The following LDLRAD4 variants were observed in gnomAD, a reference collection of about 807,000 sequenced individuals.
The protein encoded by LDLRAD4 is low-density lipoprotein receptor class A domain-containing protein 4.
LDLRAD4 carries 5 observed loss-of-function variants against 17.0 expected under a neutral mutation model. The observed-to-expected ratio is 0.29, with a 90% CI of 0.15 to 0.62. The LOEUF is 0.62. LDLRAD4 is among the 20% of genes least tolerant of loss of function. The pLI, the probability that LDLRAD4 is intolerant of heterozygous loss-of-function variation, is 0.84. For synonymous variants in LDLRAD4, 168 were observed against 171.8 expected, an observed-to-expected ratio of 0.98 and a Z score of 0.17; for missense variants, 340 against 424.7, an observed-to-expected ratio of 0.80 and a Z score of 1.75.
intron 3 of LDLRAD4, among the ~76,000 whole-genome samples, chr18:13,564,526 T>A (rs1173212896): frequency 6.6e-6 from 1 of 150,536 alleles, no homozygotes; most frequent in Non-Finnish European, 1.5e-5. Flanking sequence ...CCTGCTCTCC[T>A]TGGTTTTTCT....
chr18:13,221,772 T>C lies in LDLRAD4; in HGVS notation c.-467+2784T>C, dbSNP rs185956042. Among the ~76,000 whole-genome samples the C allele has an allele frequency of 4.8e-3, 729 of 152,344 alleles. 5 individuals carry two copies. The highest frequency in any genetic ancestry group is 8.7e-3 in the South Asian group (42 of 4,826). On this transcript the variant is annotated intron_variant, in intron 1 of 5. Coordinates refer to the LDLRAD4 transcript ENST00000399848. ...TGAGTTCTCACTAAAAATGGTACTT[T>C]GGCCTTTTAAGCTGTTTTTGTGAAG...
rs369952772 is a variant in LDLRAD4 at position 13,397,737 on chromosome 18, C to T, written c.40+9975C>T. Among the ~76,000 whole-genome samples the T allele has an allele frequency of 1.4e-4, 22 of 152,324 alleles. 1 individual carries two copies. The South Asian group carries it at 2.5e-3, about 17-fold the overall frequency. On this transcript the variant is annotated intron_variant, in intron 2 of 5. Transcript: ENST00000359446. Reference sequence around the variant, plus strand: ...GGCCCTGCCCCAGGACGACAAAGCACGGTGCTACCACGGCGCAGCACTCCT... The same window carrying T: ...GGCCCTGCCCCAGGACGACAAAGCATGGTGCTACCACGGCGCAGCACTCCT...
intron 1 of LDLRAD4, among the ~76,000 whole-genome samples, chr18:13,296,833 G>A (rs189424256): frequency 6.6e-6 from 1 of 152,242 alleles, no homozygotes; most frequent in African/African-American, 2.4e-5. Flanking sequence ...TTTAAAAATT[G>A]TTTTAAGACC....
chr18:13,268,915 G>T (rs990364079), intron 1 of LDLRAD4, among the ~76,000 whole-genome samples: 1 of 152,172 alleles, frequency 6.6e-6, no homozygotes, highest in African/African-American at 2.4e-5. Context: ...GACATTATTC[G>T]CCAACAATTG....
At chr18:13,311,532 C>T (rs970793451) in intron 1 of LDLRAD4, among the ~76,000 whole-genome samples, 6 of 152,198 alleles carry the variant, frequency 3.9e-5, no homozygotes, top group East Asian at 1.9e-4. Context: ...CTCAGAACGC[C>T]GGCCACACTG....
At chr18:13,562,110 G>C (rs28594143) in intron 3 of LDLRAD4, among the ~76,000 whole-genome samples, 47,310 of 151,946 alleles carry the variant, frequency 0.31, 8,836 homozygotes, top group African/African-American at 0.52. Flanking sequence ...CTGACTCAGT[G>C]TTTTTAAGAT....
chr18:13,456,908 C>T (rs899215508), intron 3 of LDLRAD4, among the ~76,000 whole-genome samples: 28 of 152,196 alleles, frequency 1.8e-4, no homozygotes, highest in Admixed American at 1.7e-3. Context: ...AAATTCCTTC[C>T]ACTCCTCCTT....
At chr18:13,531,587 C>CTT (rs10680224) in intron 3 of LDLRAD4, among the ~76,000 whole-genome samples, 100,777 of 124,632 alleles carry the variant, frequency 0.81, 41,874 homozygotes, top group Non-Finnish European at 0.9. Context: ...AAGACTCCAT[C>CTT]TTTTTTTTTT....
intron 1 of LDLRAD4, among the ~76,000 whole-genome samples, chr18:13,255,223 C>A (rs896268456): frequency 7.2e-5 from 11 of 152,156 alleles, no homozygotes; most frequent in Admixed American, 7.2e-4. Flanking sequence ...TGCTCCACAC[C>A]CAGCAGGTGC....
rs975782105 is a variant in LDLRAD4, at chr18:13,621,808, T to G, written c.336+537T>G. On this transcript the variant is annotated intron_variant, in intron 4 of 5. Coordinates refer to ENST00000359446, the Ensembl canonical transcript of LDLRAD4. The surrounding 1 kb of genome is among the most constrained non-coding windows in gnomAD (Gnocchi z 5.5). ...GCGGTGGGGTTGTTGGCGGTGGGCTTGTCAGCGGTGGGCTTGTCGGCGGTA... is the reference window on the plus strand; with the variant it reads ...GCGGTGGGGTTGTTGGCGGTGGGCTGGTCAGCGGTGGGCTTGTCGGCGGTA... Among the ~76,000 whole-genome samples the G allele has an allele frequency of 1.3e-5, 2 of 148,950 alleles. No homozygotes were observed. Among genetic ancestry groups the G allele is most frequent in the African/African-American group, 2.5e-5 (1 of 40,164 alleles).
intron 1 of LDLRAD4, among the ~76,000 whole-genome samples, chr18:13,293,865 G>A (rs2046112146): frequency 6.6e-6 from 1 of 152,160 alleles, no homozygotes; most frequent in African/African-American, 2.4e-5. Flanking sequence ...CCTTGCTTTA[G>A]GTTCCAGAAA....
At chr18:13,504,204 T>G (rs2093656132) in intron 3 of LDLRAD4, among the ~76,000 whole-genome samples, 1 of 152,180 alleles carries the variant, frequency 6.6e-6, no homozygotes, top group South Asian at 2.1e-4. Flanking sequence ...AACAGAGACT[T>G]GGACACCAGA....
At chr18:13,354,955 A>G (rs1419954662) in intron 1 of LDLRAD4, among the ~76,000 whole-genome samples, 1 of 152,198 alleles carries the variant, frequency 6.6e-6, no homozygotes, top group Non-Finnish European at 1.5e-5. Flanking sequence ...TTGTCAACAC[A>G]GAGGTTCCAA....
At chr18:13,409,748 T>C (rs1273074626) in intron 2 of LDLRAD4, among the ~76,000 whole-genome samples, 1 of 152,056 alleles carries the variant, frequency 6.6e-6, no homozygotes, top group Non-Finnish European at 1.5e-5. Context: ...TTGAGGAAAA[T>C]AGAAAATCAC....
intron 2 of LDLRAD4, among the ~76,000 whole-genome samples, chr18:13,405,635 G>A (rs918509818): frequency 5.6e-5 from 8 of 143,664 alleles, no homozygotes; most frequent in African/African-American, 1.8e-4. Flanking sequence ...AGACAGTCTC[G>A]CTGTATTGCC....
intron 1 of LDLRAD4, among the ~76,000 whole-genome samples, chr18:13,314,464 T>C (rs903321875): frequency 2.6e-5 from 4 of 152,214 alleles, no homozygotes; most frequent in Admixed American, 6.5e-5. Context: ...TGTTGTGGAA[T>C]ACCCTGTAGA....
intron 1 of LDLRAD4, among the ~76,000 whole-genome samples, chr18:13,264,889 A>T (rs1400865110): frequency 6.6e-6 from 1 of 152,238 alleles, no homozygotes; most frequent in Non-Finnish European, 1.5e-5. Flanking sequence ...AGGATTCGCA[A>T]CTGGCCTATA....
intron 2 of LDLRAD4, among the ~76,000 whole-genome samples, chr18:13,394,897 A>C (rs568371218): frequency 5.3e-5 from 8 of 152,376 alleles, no homozygotes; most frequent in Admixed American, 3.3e-4. Flanking sequence ...ACATGTGCAG[A>C]AAGCAGGTGA....
chr18:13,445,785 T>C lies in LDLRAD4; in HGVS notation c.181+7401T>C, dbSNP rs575985277. 1.3e-3 allele frequency among the ~76,000 whole-genome samples: 194 copies of C among 149,922 alleles called. 2 individuals are homozygous for C. The highest frequency in any genetic ancestry group is 7.3e-4 in the Non-Finnish European group (49 of 67,304). ...TGTGTGGGTGTGTGTGTGTGTGAGG[T>C]TGAGTCTCTGGTGCATATGTGCATG... On this transcript the variant is annotated intron_variant, in intron 3 of 5. Coordinates refer to ENST00000359446, the Ensembl canonical transcript of LDLRAD4.
Sources: allele counts gnomAD v4.1 joint callset (sites outside exome capture counted in the v4.1 genomes callset), GRCh38; gene constraint gnomAD v4.1.1; non-coding constraint Gnocchi (gnomAD v3.1); transcripts MANE v1.5; gene names NCBI Gene and HGNC (gene_info 2026-07-23, HGNC 2026-07-21).